Variants in GARS1 observed in about 807,000 individuals in gnomAD.
The protein encoded by GARS1 is glycyl-tRNA synthetase 1.
Under a neutral mutation model 86.4 loss-of-function variants are expected in GARS1, and 46 were observed. That is an observed-to-expected ratio of 0.53 (90% CI 0.42 to 0.68). GARS1 has a LOEUF of 0.68. Among genes scored for constraint, GARS1 ranks in the 30% least tolerant of loss-of-function variants. The pLI is 0.00. For missense variants in GARS1, 797 were observed against 915.6 expected, an observed-to-expected ratio of 0.87 and a Z score of 1.67; for synonymous variants, 342 against 329.8, an observed-to-expected ratio of 1.04 and a Z score of -0.40.
At chr7:30,633,542 G>GT (rs1229800024) in intron 16 of GARS1, among the ~76,000 whole-genome samples, 193 bp from the exon 17 acceptor site, 1 of 152,194 alleles carries the variant, frequency 6.6e-6, no homozygotes, top group Non-Finnish European at 1.5e-5. Flanking sequence ...ATTTAGAAAA[G>GT]TTAGGAAAGG....
intron 10 of GARS1, among the ~76,000 whole-genome samples, chr7:30,619,375 G>C (rs2128134880): frequency 6.6e-6 from 1 of 152,260 alleles, no homozygotes; most frequent in East Asian, 1.9e-4. Flanking sequence ...AATACTTTTT[G>C]TGTACTTTAT....
chr7:30,594,791 G>A (rs968133921), upstream of GARS1: 2 of 761,812 alleles, frequency 2.6e-6, no homozygotes, highest in Middle Eastern at 3.7e-4. Flanking sequence ...CCGGCGCCGC[G>A]TCACGCGGTG....
chr7:30,611,745 A>G (rs550381287), intron 7 of GARS1, among the ~76,000 whole-genome samples: 25 of 152,196 alleles, frequency 1.6e-4, no homozygotes, highest in African/African-American at 5.1e-4. Context: ...CAGCCTCCCA[A>G]AGTGCTGGGA....
intron 6 of GARS1, among the ~76,000 whole-genome samples, chr7:30,603,872 G>T (rs1375184084): frequency 6.6e-6 from 1 of 152,142 alleles, no homozygotes; most frequent in African/African-American, 2.4e-5. Context: ...CTGATGATGG[G>T]TAGTGTTCAG....
rs778588443 is a variant in GARS1 at position 30,601,045 on chromosome 7, C to CG, written c.428-14_428-13insG. 2 of 1,613,344 alleles carry CG rather than the reference C, an allele frequency of 1.2e-6. No individual in the cohort carries two copies. Among genetic ancestry groups the CG allele is most frequent in the African/African-American group, 2.7e-5 (2 of 74,880 alleles). ...AACAAGGTAAAGTATGTGTTTTCCT[C>CG]TCATATTCTATAGGTGTTAGTGGTC... On this transcript the variant is annotated splice_polypyrimidine_tract_variant and intron_variant, in intron 3 of 16. Coordinates refer to ENST00000389266, the MANE Select transcript of GARS1 (RefSeq NM_002047.4).
Position 30,599,975 on chromosome 7 carries a change from T to C in GARS1, c.353T>C (p.Ile118Thr), listed in dbSNP as rs1791340048. 6.2e-7 allele frequency: 1 copy of C among 1,613,410 alleles called. No homozygotes were observed. Among genetic ancestry groups the C allele is most frequent in the Non-Finnish European group, 8.5e-7 (1 of 1,179,550 alleles). ...CTGGCGTTACAGCCCAAAGATGATA[T>C]TGTAGACCGAGCAAAAATGGAAGAT... ...KELALQPKDD[I>T]VDRAKMEDTL... The change falls in exon 3 of 17, where the codon ATT becomes ACT. Residue 118 changes from isoleucine (I) to threonine (T), a missense_variant. Around this residue, in one of 2 missense-constraint regions of GARS1, gnomAD observed 199 missense variants for 176.9 expected, o/e 1.12. Coordinates refer to ENST00000389266, the MANE Select transcript of GARS1 (RefSeq NM_002047.4).
At position 30,609,589 on chromosome 7, in the gene GARS1, A is replaced by G. The variant is rs1791554123; in HGVS notation, c.740A>G (p.Asp247Gly). The part of the protein sequence containing the change: ...SEMESVLAQL[D>G]NYGQQELADL... The stretch of plus-strand genomic sequence containing the variant: ...ATTTCTTTATATGTCTTTTAGCTTG[A>G]TAACTATGGACAGCAAGAACTTGCG... The change falls in exon 7 of 17, where the codon GAT (aspartate) becomes GGT (glycine). Residue 247 changes from aspartate (D) to glycine (G), a missense_variant. This residue lies in a region of GARS1 where 598 missense variants were observed against 738.7 expected (regional missense o/e 0.81). Transcript: ENST00000389266. 2 of 1,612,470 alleles carry G rather than the reference A, an allele frequency of 1.2e-6. No homozygotes were observed. Among genetic ancestry groups the G allele is most frequent in the South Asian group, 1.1e-5 (1 of 91,042 alleles).
At chr7:30,628,951 A>G (rs954886895) in intron 14 of GARS1, among the ~76,000 whole-genome samples, 1 of 152,186 alleles carries the variant, frequency 6.6e-6, no homozygotes, top group African/African-American at 2.4e-5. Context: ...TATTATGTCA[A>G]TGGAAGGAAT....
rs892958904 is a variant in GARS1, at chr7:30,631,497, C to T, written c.1859C>T (p.Pro620Leu). The T allele has an allele frequency of 1.2e-6, 2 of 1,613,768 alleles. No individual in the cohort carries two copies. The highest frequency in any genetic ancestry group is 3.3e-5 in the Admixed American group (2 of 60,014). Residue 620 changes from proline to leucine, a missense_variant, in exon 15 of 17, where the codon CCA becomes CTA. Pro to Leu is a moderately conservative substitution (Grantham distance 98). Around this residue, in one of 2 missense-constraint regions of GARS1, gnomAD observed 598 missense variants for 738.7 expected, o/e 0.81. Coordinates refer to ENST00000389266, the MANE Select transcript of GARS1 (RefSeq NM_002047.4). Reference protein sequence around the residue: ...VVAPFKCSVLPLSQNQEFMPF... With the variant: ...VVAPFKCSVLLLSQNQEFMPF... ...GCTCCATTCAAATGTTCCGTCCTCC[C>T]ACTGAGCCAAAACCAGGAGTTCATG... is the stretch of plus-strand genomic sequence containing the variant.
In GARS1 at chr7:30,603,120, A is replaced by C. The variant is rs774338137; in HGVS notation, c.656A>C (p.Lys219Thr). Residue 219 changes from lysine to threonine, a missense_variant and splice_region_variant, in exon 5 of 17, where the codon AAA becomes ACA. Around this residue, in one of 2 missense-constraint regions of GARS1, gnomAD observed 598 missense variants for 738.7 expected, o/e 0.81. Coordinates refer to ENST00000389266, the MANE Select transcript of GARS1 (RefSeq NM_002047.4). ...TGTTTTCGTGCTGACCATCTATTAA[A>C]AGGTGAGGTTCTTCATCTCCTTCAG... Reference protein sequence around the residue: ...GECFRADHLLKAHLQKLMSDK... With the variant: ...GECFRADHLLTAHLQKLMSDK... The C allele has an allele frequency of 1.9e-6, 3 of 1,611,754 alleles. No individual in the cohort carries two copies. The East Asian group carries it at 6.7e-5, about 36-fold the overall frequency.
chr7:30,602,070 A>G (rs1211171696), intron 4 of GARS1, among the ~76,000 whole-genome samples: 1 of 145,518 alleles, frequency 6.9e-6, no homozygotes, highest in Non-Finnish European at 1.5e-5. Context: ...AGAATGTGAA[A>G]CTGAAAGGAA....
chr7:30,626,395 T>C lies in GARS1; in HGVS notation c.1699+76T>C, dbSNP rs1296578642. On this transcript the variant is annotated intron_variant, in intron 13 of 16. Coordinates refer to ENST00000389266, the MANE Select transcript of GARS1 (RefSeq NM_002047.4). ...GTTGTTGTTTGAGACAGGGTCTTGC[T>C]CTGTCACCCAGGCTGGAGTGCAGTG... 1.5e-5 allele frequency: 14 copies of C among 920,356 alleles called. No individual in the cohort carries two copies. In the African/African-American group the frequency reaches 2.1e-4, roughly 14 times the overall value. 57.0% of individuals were successfully genotyped at this position (920,356 alleles called of 1,614,324 possible).
chr7:30,595,047 C>A lies in GARS1; in HGVS notation c.126C>A (p.Pro42=). The change falls in exon 1 of 17, where the codon CCC becomes CCA. Residue 42 remains proline (P), a synonymous_variant. Transcript: ENST00000389266. ...LRRSLSAASC[P]PISLPAAASR... ...GGTCCCTCAGCGCGGCCTCCTGCCC[C>A]CCGATCTCCTTGCCCGCCGCCGCCT... 6.4e-7 allele frequency: 1 copy of A among 1,559,066 alleles called. No homozygotes were observed. Among genetic ancestry groups the A allele is most frequent in the Non-Finnish European group, 8.6e-7 (1 of 1,158,818 alleles).
chr7:30,620,995 A>C (rs1782992653), intron 10 of GARS1, among the ~76,000 whole-genome samples: 1 of 152,174 alleles, frequency 6.6e-6, no homozygotes, highest in Admixed American at 6.5e-5. Context: ...TAACAATATA[A>C]ATCCATCCAG....
At chr7:30,619,761 GT>G (rs1782963332) in intron 10 of GARS1, among the ~76,000 whole-genome samples, 1 of 144,554 alleles carries the variant, frequency 6.9e-6, no homozygotes, top group Admixed American at 6.9e-5. Context: ...AAGCTTAGTA[GT>G]TTTTTCTTTT....
chr7:30,622,280 C>T, intron 11 of GARS1, 37 bp from the exon 12 acceptor site: 2 of 1,612,824 alleles, frequency 1.2e-6, no homozygotes. Flanking sequence ...AATACTGAGG[C>T]AGTGCTGTAG....
At chr7:30,610,150 A>G (rs1422803996) in intron 7 of GARS1, among the ~76,000 whole-genome samples, 1 of 152,182 alleles carries the variant, frequency 6.6e-6, no homozygotes, top group Non-Finnish European at 1.5e-5. Context: ...ATGATTAGCT[A>G]CCAGCCACAT....
At chr7:30,624,614 A>C (rs1322760694) in intron 12 of GARS1, among the ~76,000 whole-genome samples, 1 of 151,972 alleles carries the variant, frequency 6.6e-6, no homozygotes, top group Admixed American at 6.6e-5. Flanking sequence ...AATCACCTGG[A>C]AAAAAAACAC....
intron 10 of GARS1, among the ~76,000 whole-genome samples, chr7:30,619,689 C>T (rs1405917441): frequency 2.0e-5 from 3 of 151,072 alleles, no homozygotes; most frequent in Non-Finnish European, 4.4e-5. Context: ...TTTCTGAGCT[C>T]ATATGAGTTT....
Sources: gnomAD v4.1 joint callset for allele counts (sites outside exome capture counted in the v4.1 genomes callset) on GRCh38, gnomAD v4.1.1 for gene constraint, gnomAD v4.1.1 regional missense constraint, MANE v1.5 for transcripts, NCBI Gene and HGNC (gene_info 2026-07-23, HGNC 2026-07-21) for gene names.